Variants in LMO7 observed in about 807,000 individuals in gnomAD.
LMO7 encodes the protein LIM domain 7.
LMO7 carries 120 observed loss-of-function variants against 206.5 expected under a neutral mutation model. That is an observed-to-expected ratio of 0.58 (90% CI 0.50 to 0.68). The LOEUF is 0.68. LMO7 is among the 30% of genes least tolerant of loss of function. The pLI is 0.00. For missense variants in LMO7, 1,959 were observed against 1,957.9 expected (o/e 1.00, Z -0.01); for synonymous variants, 706 against 681.5 (o/e 1.04, Z -0.56).
intron 11 of LMO7, among the ~76,000 whole-genome samples, chr13:75,811,480 T>C (rs1226854598): frequency 3.3e-5 from 5 of 152,240 alleles, no homozygotes; most frequent in Non-Finnish European, 1.5e-5. Flanking sequence ...TAATGTACGT[T>C]GTCAAGCTTG....
At chr13:75,838,373 T>G in intron 20 of LMO7, 177 bp downstream of exon 20, 2 of 1,493,390 alleles carry the variant, frequency 1.3e-6, no homozygotes, top group South Asian at 2.4e-5. Flanking sequence ...TTACAGTTCA[T>G]GGGTCTACCT....
chr13:75,844,426 T>C (rs1292012252), intron 25 of LMO7, among the ~76,000 whole-genome samples: 4 of 151,522 alleles, frequency 2.6e-5, no homozygotes, highest in Admixed American at 6.6e-5. Flanking sequence ...TTTTTTTTTT[T>C]TGAGACGTAG....
At chr13:75,822,722 C>G (rs1433358659) in intron 14 of LMO7, among the ~76,000 whole-genome samples, 1 of 143,824 alleles carries the variant, frequency 7.0e-6, no homozygotes, top group Admixed American at 7.0e-5. Context: ...GTTCCTCATA[C>G]ATTACTTCGG....
chr13:75,796,771 G>C, intron 6 of LMO7, 22 bp downstream of exon 6: 1 of 1,335,398 alleles, frequency 7.5e-7, no homozygotes, highest in Non-Finnish European at 1.1e-6. Context: ...ACATCTGTGT[G>C]AGATTACTGC....
intron 6 of LMO7, among the ~76,000 whole-genome samples, chr13:75,798,877 C>T (rs1292437711): frequency 6.6e-6 from 1 of 152,218 alleles, no homozygotes; most frequent in Non-Finnish European, 1.5e-5. Flanking sequence ...TCATCAATAA[C>T]TTTAACATTT....
At position 75,645,106 on chromosome 13, in the gene LMO7, A is replaced by G. The variant is rs144252870; in HGVS notation, c.69+8380A>G. Among the ~76,000 whole-genome samples the G allele has an allele frequency of 4.5e-3, 684 of 152,354 alleles. 5 individuals carry two copies. The highest frequency in any genetic ancestry group is 7.6e-3 in the Non-Finnish European group (518 of 68,032). Reference sequence around the variant, plus strand: ...TAGATATCTAAGTAGTTTCTTCTATAATTTATAAAAGTATCATCTTCTCTC... The same window carrying G: ...TAGATATCTAAGTAGTTTCTTCTATGATTTATAAAAGTATCATCTTCTCTC... On this transcript the variant is annotated intron_variant, in intron 1 of 30. Coordinates refer to ENST00000377534, the MANE Select transcript of LMO7 (RefSeq NM_001306080.2).
At chr13:75,806,011 T>A in intron 9 of LMO7, 1 of 1,210,982 alleles carries the variant, frequency 8.3e-7, no homozygotes, top group Non-Finnish European at 1.0e-6. Context: ...TTTCTCCAAT[T>A]CTTTGTCTCA....
At chr13:75,741,832 A>G (rs980885767) in intron 3 of LMO7, among the ~76,000 whole-genome samples, 3 of 152,116 alleles carry the variant, frequency 2.0e-5, no homozygotes, top group Admixed American at 6.5e-5. Flanking sequence ...AGACAAGGAT[A>G]CCCTCTCTTA....
At chr13:75,794,319 T>C (rs2053682849) in intron 4 of LMO7, among the ~76,000 whole-genome samples, 1 of 152,174 alleles carries the variant, frequency 6.6e-6, no homozygotes, top group African/African-American at 2.4e-5. Flanking sequence ...AGATGTTTTT[T>C]TGGGAGGTGG....
At chr13:75,762,767 G>A (rs567184776) in intron 4 of LMO7, among the ~76,000 whole-genome samples, 1 of 152,168 alleles carries the variant, frequency 6.6e-6, no homozygotes, top group African/African-American at 2.4e-5. Context: ...TAGTACCTGT[G>A]AGAATGCCTG....
At chr13:75,680,145 G>A (rs1331955977) in intron 1 of LMO7, among the ~76,000 whole-genome samples, 2 of 152,148 alleles carry the variant, frequency 1.3e-5, no homozygotes, top group African/African-American at 4.8e-5. Context: ...GAGAACATGC[G>A]GTGTTCAGTT....
At chr13:75,835,149 C>A (rs777498182) in intron 17 of LMO7, 84 bp from the exon 18 acceptor site, 2 of 1,566,018 alleles carry the variant, frequency 1.3e-6, no homozygotes, top group Admixed American at 1.9e-5. Context: ...ATGTGCCAAT[C>A]AGACTGGGGC....
chr13:75,796,740 A>G lies in LMO7; in HGVS notation c.453A>G (p.Ala151=). ...CGTTTGAGAATCTTTTAGGACAAGC[A>G]CTGACGAAGGTAAGTAAACTACATC... ...LKAFENLLGQ[A]LTKALEDSSF... The change falls in exon 6 of 31, where the codon GCA becomes GCG. Residue 151 remains alanine (A), a synonymous_variant. Transcript: ENST00000377534. 1 of 1,596,250 alleles carries G rather than the reference A, an allele frequency of 6.3e-7. No individual in the cohort carries two copies. The highest frequency in any genetic ancestry group is 8.6e-7 in the Non-Finnish European group (1 of 1,163,764).
At position 75,807,894 on chromosome 13, in the gene LMO7, A is replaced by G; in HGVS notation, c.1611A>G (p.Arg537=). 2 of 1,613,974 alleles carry G rather than the reference A, an allele frequency of 1.2e-6. No homozygotes were observed. Among genetic ancestry groups the G allele is most frequent in the Non-Finnish European group, 8.5e-7 (1 of 1,179,880 alleles). The part of the protein sequence containing the change: ...KEVPLSGAPD[R]YHPVPFPEPW... ...TGCCGCTGTCTGGGGCCCCAGATAG[A>G]TACCACCCAGTCCCTTTTCCCGAAC... The change falls in exon 10 of 31, where the codon AGA becomes AGG. Residue 537 remains arginine (R), a synonymous_variant. Coordinates refer to ENST00000377534, the MANE Select transcript of LMO7 (RefSeq NM_001306080.2).
intron 3 of LMO7, among the ~76,000 whole-genome samples, chr13:75,729,508 C>T (rs1351800357): frequency 2.0e-5 from 3 of 146,502 alleles, no homozygotes; most frequent in East Asian, 2.0e-4. Context: ...AGTTGCTTAT[C>T]AGCTTAAGGA....
intron 1 of LMO7, among the ~76,000 whole-genome samples, chr13:75,655,248 A>G (rs1279253984): frequency 6.6e-6 from 1 of 152,210 alleles, no homozygotes; most frequent in Non-Finnish European, 1.5e-5. Flanking sequence ...ATCTAGCTAT[A>G]GAAGTTTCAG....
At chr13:75,838,452 G>T (rs373387922) in intron 20 of LMO7, 4,602 of 115,162 alleles carry the variant, frequency 0.04, no homozygotes, top group South Asian at 0.1. Context: ...TTTTAACTTT[G>T]TAAAAAAAAA....
intron 14 of LMO7, 88 bp from the exon 15 acceptor site, chr13:75,823,477 T>G (rs1443593812): frequency 9.6e-7 from 1 of 1,041,876 alleles, no homozygotes; most frequent in Non-Finnish European, 1.4e-6. Context: ...GTTATTTTAG[T>G]TTTAAAATAT....
At chr13:75,824,388 A>G (rs143305591) in intron 15 of LMO7, among the ~76,000 whole-genome samples, 44 of 152,300 alleles carry the variant, frequency 2.9e-4, no homozygotes, top group African/African-American at 8.7e-4. Flanking sequence ...TAGAACGTCT[A>G]TAATTTTCGA....
Sources: gnomAD v4.1 joint callset for allele counts (sites outside exome capture counted in the v4.1 genomes callset) on GRCh38, gnomAD v4.1.1 for gene constraint, MANE v1.5 for transcripts, NCBI Gene and HGNC (gene_info 2026-07-23, HGNC 2026-07-21) for gene names.